The following TMPRSS9 variants were observed in gnomAD, a reference collection of about 807,000 sequenced individuals.
TMPRSS9 encodes transmembrane protease serine 9.
A neutral mutation model predicts 111.4 loss-of-function variants in TMPRSS9; 113 were observed. That is an observed-to-expected ratio of 1.01 (90% confidence interval 0.87 to 1.19). The LOEUF (loss-of-function observed/expected upper bound fraction) is 1.19. TMPRSS9 is among the 50% of genes most tolerant of loss of function. The pLI, the probability that TMPRSS9 is intolerant of heterozygous loss-of-function variation, is 0.00. For missense variants in TMPRSS9, 1,803 were observed against 1,513.1 expected (o/e 1.19, Z -3.18); for synonymous variants, 805 against 659.1 (o/e 1.22, Z -3.39).
At chr19:2,405,203 A>G (rs1432778574) in intron 6 of TMPRSS9, among the ~76,000 whole-genome samples, 171 bp from the exon 8 acceptor site, 1 of 152,016 alleles carries the variant, frequency 6.6e-6, no homozygotes, top group Non-Finnish European at 1.5e-5. Context: ...GAGGAGTTGA[A>G]GAGGAAGGGA....
intron 1 of TMPRSS9, among the ~76,000 whole-genome samples, chr19:2,390,521 G>A (rs1170168580): frequency 6.7e-6 from 1 of 149,188 alleles, no homozygotes; most frequent in Non-Finnish European, 1.5e-5. Context: ...GGGATTACAG[G>A]CATGAGCCAC....
At chr19:2,410,502 G>A (rs948064639) in intron 9 of TMPRSS9, 108 bp downstream of exon 10, 23 of 1,423,892 alleles carry the variant, frequency 1.6e-5, no homozygotes, top group African/African-American at 4.3e-5. Context: ...AGCCCCCAAC[G>A]CCCCAGACCC....
At chr19:2,424,222 G>A (rs376455981) in exon 15 of TMPRSS9, 3 of 1,432,362 alleles carry the variant, frequency 2.1e-6, no homozygotes, top group Non-Finnish European at 2.8e-6. Context: ...TGGTGGCAGA[G>A]AGGTGGCTGC....
In TMPRSS9 at chr19:2,368,775, T is replaced by TTTTTTTTTTTTG. The variant is rs1491294697; in HGVS notation, c.-26+8426_-26+8427insGTTTTTTTTTTT. Reference sequence around the variant, plus strand: ...GCCAGGGCATCAAGGATAAACCCAGTTTTTTTTTTTTTTTTTTTTTTTTTT... The same window carrying TTTTTTTTTTTTG: ...GCCAGGGCATCAAGGATAAACCCAGTTTTTTTTTTTTGTTTTTTTTTTTTTTTTTTTTTTTTT... On this transcript the variant is annotated intron_variant, in intron 1 of 17. Coordinates refer to the TMPRSS9 transcript ENST00000649857. Among the ~76,000 whole-genome samples, 30 of 69,236 alleles carry TTTTTTTTTTTTG rather than the reference T, an allele frequency of 4.3e-4. 1 individual carries two copies. The East Asian group carries it at 6.5e-3, about 15-fold the overall frequency. The allele number at this position is 69,236 out of a possible 152,430, so 45.4% of individuals were successfully genotyped here.
chr19:2,424,607 G>C (rs1362518243), intron 15 of TMPRSS9, among the ~76,000 whole-genome samples: 1 of 150,050 alleles, frequency 6.7e-6, no homozygotes, highest in Admixed American at 6.6e-5. Flanking sequence ...CTCGCCCCTG[G>C]GACTTGGCTC....
At chr19:2,414,003 G>A (rs1198027196) in exon 10 of TMPRSS9, 6 of 1,592,172 alleles carry the variant, frequency 3.8e-6, no homozygotes, top group East Asian at 2.3e-5. Flanking sequence ...CTGGGTCACC[G>A]TTCCTAAGCT....
intron 7 of TMPRSS9, 144 bp from the exon 9 acceptor site, chr19:2,408,212 C>A: frequency 1.2e-6 from 1 of 830,550 alleles, no homozygotes; most frequent in Non-Finnish European, 1.8e-6. Flanking sequence ...GCCACTGTGT[C>A]TGGCCTGATT....
intron 10 of TMPRSS9, among the ~76,000 whole-genome samples, chr19:2,415,439 C>T (rs79950578): frequency 0.13 from 19,437 of 151,952 alleles, 2,094 homozygotes; most frequent in East Asian, 0.36. Flanking sequence ...CTGACTGGGC[C>T]GCTGTATGTT....
intron 1 of TMPRSS9, among the ~76,000 whole-genome samples, chr19:2,390,846 C>G (rs1323739646): frequency 6.6e-6 from 1 of 150,730 alleles, no homozygotes; most frequent in Non-Finnish European, 1.5e-5. Context: ...GAGTGAGACT[C>G]TATCTCAAAA....
intron 1 of TMPRSS9, among the ~76,000 whole-genome samples, chr19:2,380,031 C>A (rs1162088778): frequency 1.3e-5 from 2 of 152,080 alleles, no homozygotes; most frequent in Non-Finnish European, 2.9e-5. Context: ...GGATTACAGG[C>A]ATGAGCCACT....
At chr19:2,425,614 C>A in intron 17 of TMPRSS9, 121 bp downstream of exon 18, 1 of 1,376,548 alleles carries the variant, frequency 7.3e-7, no homozygotes, top group South Asian at 1.7e-5. Context: ...TCCAGCGGAT[C>A]AAGCAGGGAG....
intron 2 of TMPRSS9, among the ~76,000 whole-genome samples, chr19:2,397,904 A>C (rs1322651236): frequency 7.0e-6 from 1 of 142,170 alleles, no homozygotes; most frequent in East Asian, 2.1e-4. Flanking sequence ...TGGGTGACCG[A>C]GTGAGACTCC....
rs1356517354 is a variant in TMPRSS9 at position 2,397,593 on chromosome 19, G to A, written c.270+927G>A. On this transcript the variant is annotated intron_variant, in intron 2 of 17. Coordinates refer to ENST00000648592, the Ensembl canonical transcript of TMPRSS9. ...CCATTTTATTCGAAGAGAAACAGAC[G>A]TGTGACCACATCAGCAATCACGTAT... 2.6e-5 allele frequency among the ~76,000 whole-genome samples: 4 copies of A among 152,048 alleles called. No individual in the cohort carries two copies. The East Asian group carries it at 7.7e-4, about 29-fold the overall frequency.
At chr19:2,420,817 A>G (rs561728859) in intron 13 of TMPRSS9, among the ~76,000 whole-genome samples, 8 of 152,352 alleles carry the variant, frequency 5.3e-5, no homozygotes, top group African/African-American at 1.9e-4. Flanking sequence ...ATCTGACAAT[A>G]AAAATAGAAT....
At chr19:2,406,587 A>C (rs1346024797) in intron 7 of TMPRSS9, among the ~76,000 whole-genome samples, 2 of 141,336 alleles carry the variant, frequency 1.4e-5, no homozygotes, top group Admixed American at 1.4e-4. Flanking sequence ...CGCCCACCTC[A>C]GCCTCCCAAA....
exon 14 of TMPRSS9, chr19:2,422,023 C>T (rs1330869059): frequency 3.7e-6 from 6 of 1,612,826 alleles, no homozygotes; most frequent in Admixed American, 1.7e-5. Flanking sequence ...CAGCCCCTTC[C>T]CATGTCTCCC....
chr19:2,418,185 C>T (rs757531300), intron 13 of TMPRSS9, 47 bp downstream of exon 14: 17 of 1,550,984 alleles, frequency 1.1e-5, no homozygotes, highest in South Asian at 4.5e-5. Flanking sequence ...ATGAAATGCC[C>T]ACAGCCGTTC....
intron 1 of TMPRSS9, among the ~76,000 whole-genome samples, chr19:2,393,807 A>C (rs1970649464): frequency 2.0e-5 from 3 of 147,744 alleles, no homozygotes; most frequent in African/African-American, 2.5e-5. Context: ...CTGAGGTTGG[A>C]GAATTGCTTG....
intron 1 of TMPRSS9, among the ~76,000 whole-genome samples, chr19:2,366,653 C>G (rs975556023): frequency 1.3e-5 from 2 of 151,432 alleles, no homozygotes; most frequent in African/African-American, 2.4e-5. Context: ...GTCAGGAGAT[C>G]AAGACCATCC....
Sources: allele counts gnomAD v4.1 joint callset (sites outside exome capture counted in the v4.1 genomes callset), GRCh38; gene constraint gnomAD v4.1.1; transcripts MANE v1.5; gene names NCBI Gene and HGNC (gene_info 2026-07-23, HGNC 2026-07-21).